Variants in RYR3 observed in about 807,000 individuals in gnomAD.
The protein encoded by RYR3 is ryanodine receptor 3.
A neutral mutation model predicts 584.3 loss-of-function variants in RYR3; 207 were observed. The observed-to-expected ratio is 0.35, with a 90% CI of 0.32 to 0.40. The LOEUF is 0.40. Among genes scored for constraint, RYR3 ranks in the 10% least tolerant of loss-of-function variants. The pLI, the probability that RYR3 is intolerant of heterozygous loss-of-function variation, is 1.00. For missense variants in RYR3, 5,616 were observed against 6,089.2 expected (o/e 0.92, Z 2.59); for synonymous variants, 2,416 against 2,248.5 (o/e 1.07, Z -2.11).
chr15:33,604,716 G>A (rs890071126), intron 18 of RYR3, among the ~76,000 whole-genome samples: 2 of 152,140 alleles, frequency 1.3e-5, no homozygotes, highest in East Asian at 1.9e-4. Flanking sequence ...TTCATGGAAC[G>A]TGGAGCTTCC....
chr15:33,636,290 G>A, intron 26 of RYR3, 86 bp from the exon 27 acceptor site: 1 of 1,123,196 alleles, frequency 8.9e-7, no homozygotes, highest in Non-Finnish European at 1.3e-6. Context: ...CTACTAGTTA[G>A]GAGATATCGA....
At chr15:33,458,080 G>A (rs886985960) in intron 1 of RYR3, among the ~76,000 whole-genome samples, 5 of 152,144 alleles carry the variant, frequency 3.3e-5, no homozygotes, top group African/African-American at 1.2e-4. Context: ...CTGGGGTAAG[G>A]GATGCCCAGA....
At chr15:33,550,032 GT>G in intron 9 of RYR3, 127 bp from the exon 10 acceptor site, 1 of 925,036 alleles carries the variant, frequency 1.1e-6, no homozygotes, top group Non-Finnish European at 1.6e-6. Flanking sequence ...AGCCTGGTGC[GT>G]TTTCCCTTAA....
At chr15:33,477,855 A>G (rs2049543839) in intron 2 of RYR3, among the ~76,000 whole-genome samples, 1 of 113,850 alleles carries the variant, frequency 8.8e-6, no homozygotes, top group Non-Finnish European at 1.6e-5. Flanking sequence ...AGCCTGGGCG[A>G]CAGAGCGAGA....
At chr15:33,413,142 T>C (rs893287791) in intron 1 of RYR3, among the ~76,000 whole-genome samples, 2 of 152,240 alleles carry the variant, frequency 1.3e-5, no homozygotes, top group African/African-American at 4.8e-5. Flanking sequence ...TGTATGCTTC[T>C]AGGAGAGGCC....
intron 1 of RYR3, among the ~76,000 whole-genome samples, chr15:33,369,343 C>T (rs752191461): frequency 5.3e-5 from 8 of 152,194 alleles, no homozygotes; most frequent in Non-Finnish European, 1.2e-4. Context: ...GCCATTGGCA[C>T]TCCTCCACCA....
chr15:33,584,096 G>A (rs865808581), intron 14 of RYR3, among the ~76,000 whole-genome samples: 5 of 151,932 alleles, frequency 3.3e-5, no homozygotes, highest in Admixed American at 1.3e-4. Context: ...AAATTAGCTG[G>A]GCATGGTGGT....
intron 14 of RYR3, 129 bp downstream of exon 14, chr15:33,581,772 T>C: frequency 1.3e-6 from 1 of 783,178 alleles, no homozygotes; most frequent in Non-Finnish European, 2.1e-6. Context: ...AGAAGTCTTT[T>C]GTTAACCATT....
intron 1 of RYR3, among the ~76,000 whole-genome samples, chr15:33,457,603 G>C (rs2047664610): frequency 6.6e-6 from 1 of 152,184 alleles, no homozygotes; most frequent in African/African-American, 2.4e-5. Flanking sequence ...GAGGATAAGA[G>C]ATTGATCAAT....
At chr15:33,444,282 C>T (rs1250082272) in intron 1 of RYR3, among the ~76,000 whole-genome samples, 1 of 152,108 alleles carries the variant, frequency 6.6e-6, no homozygotes, top group Non-Finnish European at 1.5e-5. Context: ...CTAAGCAGCC[C>T]CCTCAAGTTC....
chr15:33,534,518 A>ATT (rs562265847), intron 5 of RYR3, among the ~76,000 whole-genome samples: 1 of 150,330 alleles, frequency 6.7e-6, no homozygotes, highest in Middle Eastern at 3.4e-3. Context: ...GATTATTATT[A>ATT]TTTTTTTTTT....
chr15:33,718,008 G>A (rs2067628091), intron 43 of RYR3, among the ~76,000 whole-genome samples: 1 of 152,132 alleles, frequency 6.6e-6, no homozygotes, highest in Non-Finnish European at 1.5e-5. Flanking sequence ...GAATCACTTA[G>A]TTCATACAAG....
intron 5 of RYR3, among the ~76,000 whole-genome samples, chr15:33,537,998 T>C (rs944753488): frequency 2.7e-5 from 4 of 150,870 alleles, no homozygotes; most frequent in Non-Finnish European, 5.9e-5. Flanking sequence ...CTTTTCTTTT[T>C]TTTTCCAGGA....
chr15:33,682,607 C>G (rs2064707008), intron 38 of RYR3, among the ~76,000 whole-genome samples: 1 of 152,200 alleles, frequency 6.6e-6, no homozygotes, highest in African/African-American at 2.4e-5. Context: ...ACCATCTGTA[C>G]ATGACTAGCT....
intron 1 of RYR3, among the ~76,000 whole-genome samples, chr15:33,398,418 T>C (rs2042427649): frequency 6.6e-6 from 1 of 152,166 alleles, no homozygotes; most frequent in African/African-American, 2.4e-5. Flanking sequence ...GGAAAGTGAA[T>C]GGTGTTCGGC....
At chr15:33,517,880 T>G (rs968652588) in intron 3 of RYR3, among the ~76,000 whole-genome samples, 2 of 152,236 alleles carry the variant, frequency 1.3e-5, no homozygotes, top group African/African-American at 4.8e-5. Context: ...ATCACCTTGA[T>G]GACAGCATGA....
At chr15:33,523,650 G>C (rs2054178102) in intron 3 of RYR3, among the ~76,000 whole-genome samples, 1 of 152,088 alleles carries the variant, frequency 6.6e-6, no homozygotes, top group Non-Finnish European at 1.5e-5. Context: ...CAGTAGGGCA[G>C]GGTAGACCTA....
At chr15:33,495,553 T>G (rs1596364576) in intron 2 of RYR3, among the ~76,000 whole-genome samples, 1 of 152,198 alleles carries the variant, frequency 6.6e-6, no homozygotes, top group Non-Finnish European at 1.5e-5. Flanking sequence ...GATAGTTTCA[T>G]GGATACATTT....
intron 1 of RYR3, among the ~76,000 whole-genome samples, chr15:33,375,791 G>A (rs1485630792): frequency 6.6e-6 from 1 of 152,170 alleles, no homozygotes; most frequent in African/African-American, 2.4e-5. Context: ...CTGGCCAGGC[G>A]CAGTGGCTCA....
Sources: allele counts gnomAD v4.1 joint callset (sites outside exome capture counted in the v4.1 genomes callset), GRCh38; gene constraint gnomAD v4.1.1; transcripts MANE v1.5; gene names NCBI Gene and HGNC (gene_info 2026-07-23, HGNC 2026-07-21).